Variants in PCDHGA11 observed in about 807,000 individuals in gnomAD.
PCDHGA11 encodes the protein protocadherin gamma subfamily A, 11.
In PCDHGA11, 39 loss-of-function variants were observed where a neutral mutation model predicts 60.4. The ratio of observed to expected loss-of-function variants is 0.65; its 90% CI spans 0.50 to 0.84. The LOEUF (loss-of-function observed/expected upper bound fraction) is 0.84. Ranked by LOEUF, PCDHGA11 falls within the 40% of genes least tolerant of loss-of-function variation. The pLI is 0.00. For missense variants in PCDHGA11, 1,165 were observed against 1,197.7 expected (o/e 0.97, Z 0.40); for synonymous variants, 533 against 510.3 (o/e 1.04, Z -0.60).
intron 1 of PCDHGA11, among the ~76,000 whole-genome samples, chr5:141,435,770 C>G (rs1445835726): frequency 6.6e-6 from 1 of 152,070 alleles, no homozygotes; most frequent in Non-Finnish European, 1.5e-5. Context: ...TTGGTGAATT[C>G]TGTAAAGGTG....
intron 1 of PCDHGA11, among the ~76,000 whole-genome samples, chr5:141,474,773 G>T (rs1290099424): frequency 6.6e-6 from 1 of 152,182 alleles, no homozygotes; most frequent in East Asian, 1.9e-4. Flanking sequence ...ATAGTATGAG[G>T]CTCTAACACT....
chr5:141,453,077 T>C (rs2098755487), intron 1 of PCDHGA11, among the ~76,000 whole-genome samples: 1 of 152,090 alleles, frequency 6.6e-6, no homozygotes, highest in African/African-American at 2.4e-5. Context: ...CACACTCTGG[T>C]TGATTAGTAT....
At position 141,421,388 on chromosome 5, in the gene PCDHGA11, G is replaced by A. The variant is rs369403750; in HGVS notation, c.161G>A (p.Gly54Glu). Residue 54 changes from glycine to glutamate, a missense_variant, in exon 1 of 4, where the codon GGG becomes GAG. Transcript: ENST00000398587. The part of the protein sequence containing the change: ...SFVGNISKDL[G>E]LEPRELAKRG... ...GTGGGCAATATCTCCAAGGACCTGG[G>A]GCTGGAGCCCCGGGAGCTGGCGAAG... The A allele has an allele frequency of 6.2e-7, 1 of 1,613,934 alleles. No individual in the cohort carries two copies. Among genetic ancestry groups the A allele is most frequent in the Non-Finnish European group, 8.5e-7 (1 of 1,179,928 alleles).
At position 141,511,313 on chromosome 5, in the gene PCDHGA11, CAGAA is replaced by C; in HGVS notation, c.*142_*145del. The C allele has an allele frequency of 2.0e-6, 3 of 1,482,944 alleles. No homozygotes were observed. In the South Asian group the frequency reaches 4.1e-5, roughly 20 times the overall value. 91.9% of individuals were successfully genotyped at this position (1,482,944 alleles called of 1,614,324 possible). ...CCAAGGCCATGCTCCCCTTGGGAAA[CAGAA>C]ACAAGTGCCCAGTCAGCACCTACCC... On this transcript the variant is annotated 3_prime_UTR_variant, in exon 4 of 4. Transcript: ENST00000398587.
chr5:141,488,131 G>A (rs2099672034), intron 1 of PCDHGA11, among the ~76,000 whole-genome samples: 1 of 152,202 alleles, frequency 6.6e-6, no homozygotes, highest in Non-Finnish European at 1.5e-5. Context: ...GCAGAAAGAG[G>A]AGAGAACTAA....
chr5:141,454,618 C>T (rs1259161504), intron 1 of PCDHGA11, among the ~76,000 whole-genome samples: 1 of 151,470 alleles, frequency 6.6e-6, no homozygotes, highest in Non-Finnish European at 1.5e-5. Flanking sequence ...GTTGGTCAGG[C>T]TGGTCTCGAA....
chr5:141,473,850 G>A (rs1490458424), intron 1 of PCDHGA11, among the ~76,000 whole-genome samples: 1 of 152,184 alleles, frequency 6.6e-6, no homozygotes, highest in African/African-American at 2.4e-5. Flanking sequence ...TTAGGAAGAT[G>A]AACCTCGCTA....
At chr5:141,475,957 G>A (rs776101269) in intron 1 of PCDHGA11, 148 of 812,416 alleles carry the variant, frequency 1.8e-4, no homozygotes, top group Non-Finnish European at 2.6e-4. Flanking sequence ...CTGCGCCCCG[G>A]GATGAGGCAG....
chr5:141,503,471 C>A (rs2099820129), intron 2 of PCDHGA11, among the ~76,000 whole-genome samples: 1 of 151,836 alleles, frequency 6.6e-6, no homozygotes, highest in African/African-American at 2.4e-5. Context: ...GGCATGTGTG[C>A]ACTTGTCGTC....
chr5:141,432,178 T>C lies in PCDHGA11; in HGVS notation c.2433+8518T>C. Reference sequence around the variant, plus strand: ...ATCCCAGAGGAGTTTCCCTCGTCTCTGTGACCGCCCACGACCCCGACTGTG... The same window carrying C: ...ATCCCAGAGGAGTTTCCCTCGTCTCCGTGACCGCCCACGACCCCGACTGTG... On this transcript the variant is annotated intron_variant, in intron 1 of 3. Transcript: ENST00000398587. The surrounding 1 kb of genome is among the most constrained non-coding windows in gnomAD (Gnocchi z 6.0). 6.2e-7 allele frequency: 1 copy of C among 1,614,184 alleles called. No individual in the cohort carries two copies. The highest frequency in any genetic ancestry group is 8.5e-7 in the Non-Finnish European group (1 of 1,180,036).
intron 1 of PCDHGA11, among the ~76,000 whole-genome samples, chr5:141,455,161 T>G (rs6861291): frequency 0.084 from 8,821 of 104,682 alleles, 480 homozygotes; most frequent in African/African-American, 0.22. Context: ...AGTTTGTTGG[T>G]TTTTTTTTTA....
At chr5:141,438,630 A>ATG (rs2098034686) in intron 1 of PCDHGA11, among the ~76,000 whole-genome samples, 1 of 38,920 alleles carries the variant, frequency 2.6e-5, no homozygotes, top group Non-Finnish European at 4.2e-5. Flanking sequence ...ATATATATAT[A>ATG]TATATACACA....
Position 141,486,277 on chromosome 5 carries a change from G to A in PCDHGA11, c.2434-8530G>A, listed in dbSNP as rs1156704202. 6.2e-7 allele frequency: 1 copy of A among 1,614,020 alleles called. No individual in the cohort carries two copies. The highest frequency in any genetic ancestry group is 1.1e-5 in the South Asian group (1 of 91,056). ...CCGAGAGTGCAGAACCTGGCACTGT[G>A]GTGGCACTTATCAGTGTGCAGGATC... On this transcript the variant is annotated intron_variant, in intron 1 of 3. Transcript: ENST00000398587. The surrounding 1 kb of genome is among the most constrained non-coding windows in gnomAD (Gnocchi z 5.0).
In PCDHGA11 at chr5:141,485,244, T is replaced by C; in HGVS notation, c.2434-9563T>C. ...ACCCTTTTGTTCCTCTTTTACCACC[T>C]GGGTTACGTTTGTGGGCAGATCCGC... On this transcript the variant is annotated intron_variant, in intron 1 of 3. Transcript: ENST00000398587. This position sits in a 1 kb window ranked among gnomAD's most constrained non-coding sequence, Gnocchi z 5.7. 1 of 1,614,168 alleles carries C rather than the reference T, an allele frequency of 6.2e-7. No individual in the cohort carries two copies. Among genetic ancestry groups the C allele is most frequent in the Admixed American group, 1.7e-5 (1 of 60,016 alleles).
At chr5:141,499,029 A>AAGGAAGGAAGGAAGG (rs1562187768) in intron 2 of PCDHGA11, among the ~76,000 whole-genome samples, 10 of 139,968 alleles carry the variant, frequency 7.1e-5, no homozygotes, top group African/African-American at 2.8e-4. Context: ...AGGAAGGAAG[A>AAGGAAGGAAGGAAGG]AAAGAAAGAA....
In PCDHGA11 at chr5:141,486,697, C is replaced by T. The variant is rs146956400; in HGVS notation, c.2434-8110C>T. 89 of 1,614,058 alleles carry T rather than the reference C, an allele frequency of 5.5e-5. No homozygotes were observed. Among genetic ancestry groups the T allele is most frequent in the Non-Finnish European group, 7.4e-5 (87 of 1,180,040 alleles). ...GAGATGTATCAGCTTCCTCTTTCAT[C>T]TCTCTGAACCCCCAGACAGGAGCTG... On this transcript the variant is annotated intron_variant, in intron 1 of 3. Coordinates refer to ENST00000398587, the MANE Select transcript of PCDHGA11 (RefSeq NM_018914.3). The surrounding 1 kb of genome is among the most constrained non-coding windows in gnomAD (Gnocchi z 5.0).
At chr5:141,450,460 TTATA>T (rs1234300844) in intron 1 of PCDHGA11, among the ~76,000 whole-genome samples, 1 of 152,104 alleles carries the variant, frequency 6.6e-6, no homozygotes, top group Non-Finnish European at 1.5e-5. Flanking sequence ...CCTCGTGATT[TTATA>T]TATAGAGTTT....
chr5:141,497,218 GA>G (rs1172998466), intron 2 of PCDHGA11, among the ~76,000 whole-genome samples: 1 of 149,792 alleles, frequency 6.7e-6, no homozygotes, highest in Non-Finnish European at 1.5e-5. Flanking sequence ...ATGGGGGGGG[GA>G]AGATCAGAGA....
rs979237199 is a variant in PCDHGA11, at chr5:141,477,828, G to C, written c.2434-16979G>C. On this transcript the variant is annotated intron_variant, in intron 1 of 3. Transcript: ENST00000398587. This position sits in a 1 kb window ranked among gnomAD's most constrained non-coding sequence, Gnocchi z 4.9. Reference sequence around the variant, plus strand: ...AATGCCCCCCAGGTCCTATATCCTCGGCCAGGTGGGAGCTCGGTGGAGATG... The same window carrying C: ...AATGCCCCCCAGGTCCTATATCCTCCGCCAGGTGGGAGCTCGGTGGAGATG... The C allele has an allele frequency of 3.7e-6, 6 of 1,614,082 alleles. No individual in the cohort carries two copies. The highest frequency in any genetic ancestry group is 3.4e-6 in the Non-Finnish European group (4 of 1,180,006).
Sources: gnomAD v4.1 joint callset for allele counts (sites outside exome capture counted in the v4.1 genomes callset) on GRCh38, gnomAD v4.1.1 for gene constraint, Gnocchi (gnomAD v3.1) non-coding constraint, MANE v1.5 for transcripts, NCBI Gene and HGNC (gene_info 2026-07-23, HGNC 2026-07-21) for gene names.